Variants in DAB1 observed in about 807,000 individuals in gnomAD.
DAB1 encodes the protein DAB adaptor protein 1.
A neutral mutation model predicts 64.6 loss-of-function variants in DAB1; 15 were observed. That is an observed-to-expected ratio of 0.23 (90% CI 0.16 to 0.36). The LOEUF (loss-of-function observed/expected upper bound fraction) is 0.36, where lower values mean the gene tolerates loss of function less well. Ranked by LOEUF, DAB1 falls within the 10% of genes least tolerant of loss-of-function variation. The pLI is 1.00. For missense variants in DAB1, 596 were observed against 706.7 expected, an observed-to-expected ratio of 0.84 and a Z score of 1.78; for synonymous variants, 235 against 251.9, an observed-to-expected ratio of 0.93 and a Z score of 0.64.
chr1:57,794,684 T>C (rs1650758119), intron 6 of DAB1, among the ~76,000 whole-genome samples: 1 of 152,216 alleles, frequency 6.6e-6, no homozygotes, highest in Admixed American at 6.5e-5. Context: ...TCCAGCCCCC[T>C]AGACTGTGAG....
chr1:58,543,223 C>T (rs537980805), intron 1 of DAB1, among the ~76,000 whole-genome samples: 3 of 152,230 alleles, frequency 2.0e-5, no homozygotes, highest in South Asian at 2.1e-4. Context: ...ATCTCTAAGA[C>T]GTTTACATGG....
At chr1:58,078,413 G>T (rs900115674) in intron 5 of DAB1, among the ~76,000 whole-genome samples, 7 of 152,266 alleles carry the variant, frequency 4.6e-5, no homozygotes, top group African/African-American at 1.7e-4. Context: ...GGATCAAATA[G>T]GTTAATATAT....
At chr1:58,496,897 G>A (rs1645811855) in intron 3 of DAB1, among the ~76,000 whole-genome samples, 2 of 152,128 alleles carry the variant, frequency 1.3e-5, no homozygotes, top group Admixed American at 1.3e-4. Context: ...TTTGCAGGGT[G>A]GTGCTAAATT....
intron 5 of DAB1, among the ~76,000 whole-genome samples, chr1:58,103,547 T>G (rs1019119280): frequency 1.3e-5 from 2 of 152,230 alleles, no homozygotes; most frequent in Admixed American, 6.5e-5. Flanking sequence ...CTGACTGATT[T>G]TCTTTGCCTC....
intron 2 of DAB1, among the ~76,000 whole-genome samples, chr1:58,513,816 C>T (rs11808738): frequency 0.12 from 17,536 of 152,148 alleles, 1,198 homozygotes; most frequent in African/African-American, 0.18. Flanking sequence ...ACTGTTATGA[C>T]CCTCACTTTA....
intron 5 of DAB1, among the ~76,000 whole-genome samples, chr1:58,045,746 C>G (rs781610134): frequency 2.0e-5 from 3 of 152,082 alleles, no homozygotes; most frequent in Non-Finnish European, 4.4e-5. Flanking sequence ...TCATCTCCAT[C>G]CTTCTCTTGC....
At chr1:58,518,454 A>C (rs1454060583) in intron 2 of DAB1, among the ~76,000 whole-genome samples, 1 of 151,990 alleles carries the variant, frequency 6.6e-6, no homozygotes, top group East Asian at 1.9e-4. Context: ...AGGGTGGAGA[A>C]TGGAATGGAG....
chr1:57,188,887 A>T lies in DAB1; in HGVS notation c.68-43458T>A, dbSNP rs542373438. 1.8e-3 allele frequency among the ~76,000 whole-genome samples: 267 copies of T among 152,242 alleles called. 3 individuals are homozygous for T. Among genetic ancestry groups the T allele is most frequent in the African/African-American group, 6.1e-3 (253 of 41,538 alleles). On this transcript the variant is annotated intron_variant, in intron 2 of 14. Transcript: ENST00000371236. ...TTACTAAAATAGATCATCTTAAAAA[A>T]TTTTCTCACTTAATCTTTATAATGA...
At chr1:57,065,374 C>T (rs2100576560) in intron 8 of DAB1, among the ~76,000 whole-genome samples, 1 of 152,198 alleles carries the variant, frequency 6.6e-6, no homozygotes, top group Middle Eastern at 3.4e-3. Flanking sequence ...TGGATATGGC[C>T]CCTGATTTAA....
intron 4 of DAB1, among the ~76,000 whole-genome samples, chr1:58,329,261 A>G (rs940274304): frequency 6.6e-6 from 1 of 152,226 alleles, no homozygotes; most frequent in African/African-American, 2.4e-5. Flanking sequence ...TTCTATACAT[A>G]CATATCTGTC....
chr1:58,095,520 T>A (rs111987646), intron 5 of DAB1, among the ~76,000 whole-genome samples: 1 of 152,194 alleles, frequency 6.6e-6, no homozygotes, highest in African/African-American at 2.4e-5. Flanking sequence ...CTTCCCATCA[T>A]TTGTTTCTGT....
In DAB1 at chr1:57,116,963, G is replaced by A. The variant is rs146972118; in HGVS notation, c.306+19580C>T. Among the ~76,000 whole-genome samples the A allele has an allele frequency of 6.2e-4, 94 of 152,166 alleles. No individual in the cohort carries two copies. The East Asian group carries it at 0.01, about 17-fold the overall frequency. On this transcript the variant is annotated intron_variant, in intron 4 of 14. Coordinates refer to ENST00000371236, the MANE Select transcript of DAB1 (RefSeq NM_001365792.1). Reference sequence around the variant, plus strand: ...ATAGAGATCTTAGTTACTTCATCCCGGCACTCTGCAAACATTGTCCAGCAG... The same window carrying A: ...ATAGAGATCTTAGTTACTTCATCCCAGCACTCTGCAAACATTGTCCAGCAG...
intron 8 of DAB1, among the ~76,000 whole-genome samples, chr1:57,065,431 C>T (rs1473702093): frequency 1.3e-5 from 2 of 152,178 alleles, no homozygotes; most frequent in Non-Finnish European, 2.9e-5. Context: ...AATCAGACTA[C>T]TGAAATAGAG....
intron 9 of DAB1, among the ~76,000 whole-genome samples, chr1:57,058,469 A>G (rs1052716422): frequency 6.6e-6 from 1 of 152,192 alleles, no homozygotes; most frequent in Non-Finnish European, 1.5e-5. Flanking sequence ...TTACCACTTG[A>G]GCAGCTACTC....
chr1:57,086,997 C>A (rs570503988), intron 4 of DAB1, among the ~76,000 whole-genome samples: 40 of 152,270 alleles, frequency 2.6e-4, no homozygotes, highest in African/African-American at 8.4e-4. Context: ...TGTTTCAGAG[C>A]ACCACCTTGA....
At chr1:57,215,874 G>A (rs1314042359) in intron 2 of DAB1, among the ~76,000 whole-genome samples, 1 of 152,202 alleles carries the variant, frequency 6.6e-6, no homozygotes, top group African/African-American at 2.4e-5. Flanking sequence ...AGCTGTGTGT[G>A]AAAGGGCCTG....
chr1:57,676,586 C>T (rs1174799284), intron 6 of DAB1, among the ~76,000 whole-genome samples: 1 of 152,198 alleles, frequency 6.6e-6, no homozygotes, highest in Non-Finnish European at 1.5e-5. Flanking sequence ...AAGAAGAGGG[C>T]AGCACCAGAA....
chr1:58,379,205 C>T (rs910069964), intron 3 of DAB1, among the ~76,000 whole-genome samples: 5 of 152,130 alleles, frequency 3.3e-5, no homozygotes, highest in Non-Finnish European at 7.4e-5. Context: ...GGCTCCTCCC[C>T]CCCAGCTTAC....
intron 5 of DAB1, among the ~76,000 whole-genome samples, chr1:57,943,238 GAATT>G (rs1645129724): frequency 6.6e-6 from 1 of 152,148 alleles, no homozygotes; most frequent in South Asian, 2.1e-4. Flanking sequence ...TTCATCTTGA[GAATT>G]AATACTTGAT....
Sources: gnomAD v4.1 joint callset for allele counts (sites outside exome capture counted in the v4.1 genomes callset) on GRCh38, gnomAD v4.1.1 for gene constraint, MANE v1.5 for transcripts, NCBI Gene and HGNC (gene_info 2026-07-23, HGNC 2026-07-21) for gene names.